Variants in DOK6 observed in about 807,000 individuals in gnomAD.
DOK6 encodes downstream of tyrosine kinase 6.
Under a neutral mutation model 44.0 loss-of-function variants are expected in DOK6, and 22 were observed. That is an observed-to-expected ratio of 0.50 (90% CI 0.36 to 0.71). DOK6 has a LOEUF of 0.71. Ranked by LOEUF, DOK6 falls within the 30% of genes least tolerant of loss-of-function variation. The probability of loss-of-function intolerance (pLI) is 0.00; values close to 1 mark genes in which losing one functional copy is unlikely to be tolerated. For synonymous variants in DOK6, 166 were observed against 145.5 expected (o/e 1.14, Z -1.01); for missense variants, 340 against 416.4 (o/e 0.82, Z 1.60).
In DOK6 at chr18:69,698,129, T is replaced by C. The variant is rs529608855; in HGVS notation, c.410-275T>C. The stretch of plus-strand genomic sequence containing the variant: ...CTTAACTTTTGCCCTTATTTTTCCA[T>C]TGTACAATTTAACTACTTAATCCTC... On this transcript the variant is annotated intron_variant, in intron 4 of 7. Transcript: ENST00000382713. Among the ~76,000 whole-genome samples, 4 of 152,292 alleles carry C rather than the reference T, an allele frequency of 2.6e-5. No homozygotes were observed. In the South Asian group the frequency reaches 8.3e-4, roughly 32 times the overall value.
intron 1 of DOK6, among the ~76,000 whole-genome samples, chr18:69,546,959 A>G (rs1186093290): frequency 6.6e-6 from 1 of 151,642 alleles, no homozygotes; most frequent in African/African-American, 2.4e-5. Context: ...TACAGAAAGC[A>G]TGACAGCATC....
At chr18:69,827,578 T>G (rs190672726) in intron 7 of DOK6, among the ~76,000 whole-genome samples, 113 of 152,118 alleles carry the variant, frequency 7.4e-4, no homozygotes, top group Admixed American at 1.3e-3. Context: ...GTTAAGCAAA[T>G]TTTTTTAACA....
At chr18:69,403,923 A>G (rs1916149316) in intron 1 of DOK6, among the ~76,000 whole-genome samples, 1 of 152,230 alleles carries the variant, frequency 6.6e-6, no homozygotes, top group African/African-American at 2.4e-5. Flanking sequence ...ACTTTTCCAA[A>G]TAACATATTT....
chr18:69,758,281 G>A (rs1022911697), intron 7 of DOK6, among the ~76,000 whole-genome samples: 2 of 152,112 alleles, frequency 1.3e-5, no homozygotes, highest in African/African-American at 4.8e-5. Flanking sequence ...TTAAGGCTCT[G>A]CCATAAACTG....
chr18:69,778,123 A>G (rs896701637), intron 7 of DOK6, among the ~76,000 whole-genome samples: 1 of 152,180 alleles, frequency 6.6e-6, no homozygotes, highest in Non-Finnish European at 1.5e-5. Flanking sequence ...TAATAAAGTA[A>G]CAAAGAAAGA....
chr18:69,629,943 T>A (rs1460293701), intron 3 of DOK6, among the ~76,000 whole-genome samples: 1 of 151,980 alleles, frequency 6.6e-6, no homozygotes, highest in Non-Finnish European at 1.5e-5. Flanking sequence ...GGTGCTAATT[T>A]GTAGTAGAGA....
intron 7 of DOK6, among the ~76,000 whole-genome samples, chr18:69,763,987 A>C (rs1214703448): frequency 6.6e-6 from 1 of 152,126 alleles, no homozygotes; most frequent in South Asian, 2.1e-4. Context: ...TATATCAAGG[A>C]ATCATGTCTA....
At chr18:69,632,778 A>G (rs1207081093) in intron 3 of DOK6, among the ~76,000 whole-genome samples, 1 of 152,268 alleles carries the variant, frequency 6.6e-6, no homozygotes, top group Non-Finnish European at 1.5e-5. Context: ...CATGCAATAA[A>G]TATAAAAAGA....
chr18:69,643,331 G>A (rs950521080), intron 3 of DOK6, among the ~76,000 whole-genome samples: 1 of 151,994 alleles, frequency 6.6e-6, no homozygotes, highest in Non-Finnish European at 1.5e-5. Flanking sequence ...TTTATCACCT[G>A]GTCCGTTTGT....
intron 7 of DOK6, among the ~76,000 whole-genome samples, chr18:69,825,292 T>C (rs1568137429): frequency 6.6e-6 from 1 of 152,130 alleles, no homozygotes; most frequent in Non-Finnish European, 1.5e-5. Context: ...ACATAAATGG[T>C]TTACATTAAA....
chr18:69,609,791 T>C (rs1039110629), intron 3 of DOK6, among the ~76,000 whole-genome samples: 2 of 152,190 alleles, frequency 1.3e-5, no homozygotes, highest in African/African-American at 4.8e-5. Context: ...GATCAGCTGA[T>C]GAATGGATTA....
intron 1 of DOK6, among the ~76,000 whole-genome samples, chr18:69,562,894 C>G (rs1982871883): frequency 6.6e-6 from 1 of 152,110 alleles, no homozygotes; most frequent in South Asian, 2.1e-4. Flanking sequence ...TTTTTGAAAT[C>G]TACTTATCTG....
chr18:69,430,770 C>T (rs552284053), intron 1 of DOK6, among the ~76,000 whole-genome samples: 293 of 152,158 alleles, frequency 1.9e-3, no homozygotes, highest in Middle Eastern at 3.4e-3. Flanking sequence ...AGTTTGAGAC[C>T]GGCCTGATTA....
intron 7 of DOK6, among the ~76,000 whole-genome samples, chr18:69,772,178 A>AAAT (rs1443758491): frequency 4.4e-4 from 67 of 152,150 alleles, no homozygotes; most frequent in African/African-American, 1.6e-3. Context: ...TCTAAAAAAT[A>AAAT]AATAAATAAA....
At chr18:69,766,419 A>G (rs1979719409) in intron 7 of DOK6, among the ~76,000 whole-genome samples, 1 of 152,226 alleles carries the variant, frequency 6.6e-6, no homozygotes, top group Non-Finnish European at 1.5e-5. Context: ...TTTATTTAAA[A>G]AAGAAAATCA....
intron 1 of DOK6, among the ~76,000 whole-genome samples, chr18:69,492,351 A>G (rs1980757863): frequency 6.6e-6 from 1 of 152,166 alleles, no homozygotes. Context: ...CTGTATCTGC[A>G]AGCTCCAATT....
chr18:69,774,509 A>T (rs1264668334), intron 7 of DOK6, among the ~76,000 whole-genome samples: 2 of 151,942 alleles, frequency 1.3e-5, no homozygotes, highest in Admixed American at 6.6e-5. Flanking sequence ...CGGAAATAAA[A>T]TTTTTTTAAA....
intron 3 of DOK6, among the ~76,000 whole-genome samples, chr18:69,616,560 C>G (rs1340353144): frequency 6.6e-6 from 1 of 151,302 alleles, no homozygotes; most frequent in Non-Finnish European, 1.5e-5. Context: ...GAACTAACTA[C>G]TAGATGTGCA....
chr18:69,655,707 C>A (rs1464327885), intron 3 of DOK6, among the ~76,000 whole-genome samples: 2 of 133,654 alleles, frequency 1.5e-5, no homozygotes, highest in Admixed American at 1.8e-4. Context: ...GAGCAAAGAT[C>A]ACACCACTGC....
Sources: gnomAD v4.1 joint callset for allele counts (sites outside exome capture counted in the v4.1 genomes callset) on GRCh38, gnomAD v4.1.1 for gene constraint, MANE v1.5 for transcripts, NCBI Gene and HGNC (gene_info 2026-07-23, HGNC 2026-07-21) for gene names.